LHFPL3: variants seen among roughly 807,000 people sequenced by gnomAD.
The protein encoded by LHFPL3 is LHFPL tetraspan subfamily member 3.
A neutral mutation model predicts 19.3 loss-of-function variants in LHFPL3; 5 were observed. The observed-to-expected ratio is 0.26, with a 90% CI of 0.14 to 0.54. The LOEUF (loss-of-function observed/expected upper bound fraction) is 0.54, where lower values mean the gene tolerates loss of function less well. Among genes scored for constraint, LHFPL3 ranks in the 20% least tolerant of loss-of-function variants. The pLI, the probability that LHFPL3 is intolerant of heterozygous loss-of-function variation, is 0.94. For synonymous variants in LHFPL3, 133 were observed against 126.2 expected (o/e 1.05, Z -0.36); for missense variants, 249 against 307.4 (o/e 0.81, Z 1.42).
chr7:104,758,561 T>C (rs1007380182), intron 2 of LHFPL3, among the ~76,000 whole-genome samples: 14 of 152,242 alleles, frequency 9.2e-5, no homozygotes, highest in Middle Eastern at 3.4e-3. Context: ...CTATATTTAT[T>C]TGAATGTAAT....
intron 1 of LHFPL3, among the ~76,000 whole-genome samples, chr7:104,379,713 T>C (rs1362491597): frequency 2.6e-5 from 4 of 152,012 alleles, no homozygotes; most frequent in Non-Finnish European, 5.9e-5. Context: ...TTCACGGAAA[T>C]GTGGAGAAAA....
At chr7:104,433,862 C>T (rs930323982) in intron 1 of LHFPL3, among the ~76,000 whole-genome samples, 2 of 152,136 alleles carry the variant, frequency 1.3e-5, no homozygotes, top group African/African-American at 2.4e-5. Flanking sequence ...GGGTCTTGAT[C>T]ATCATGGAGT....
chr7:104,404,731 A>T (rs979980844), intron 1 of LHFPL3, among the ~76,000 whole-genome samples: 3 of 152,180 alleles, frequency 2.0e-5, no homozygotes, highest in Non-Finnish European at 4.4e-5. Context: ...GACCTGAAAA[A>T]TTCAGGTGAA....
At chr7:104,736,094 T>C (rs1406746739) in intron 1 of LHFPL3, among the ~76,000 whole-genome samples, 1 of 152,156 alleles carries the variant, frequency 6.6e-6, no homozygotes, top group East Asian at 1.9e-4. Flanking sequence ...CCACCAACAG[T>C]GTATCCTTTC....
chr7:104,451,422 A>G (rs926843570), intron 1 of LHFPL3, among the ~76,000 whole-genome samples: 3 of 152,208 alleles, frequency 2.0e-5, no homozygotes, highest in African/African-American at 7.2e-5. Context: ...ATATTGGGGA[A>G]GGAGGAGTGC....
chr7:104,355,056 C>CA (rs1251190686), intron 1 of LHFPL3, among the ~76,000 whole-genome samples: 2 of 151,900 alleles, frequency 1.3e-5, no homozygotes, highest in African/African-American at 4.8e-5. Flanking sequence ...TTTGTTTAAC[C>CA]AAAAAATATT....
intron 2 of LHFPL3, chr7:104,803,501 T>C (rs1790296382): frequency 6.6e-6 from 1 of 152,212 alleles, no homozygotes; most frequent in African/African-American, 2.4e-5. Context: ...TGTGTGTTCC[T>C]CTTTGTAGCC....
intron 1 of LHFPL3, among the ~76,000 whole-genome samples, chr7:104,403,443 A>G (rs1234922213): frequency 1.3e-5 from 2 of 152,222 alleles, no homozygotes; most frequent in African/African-American, 2.4e-5. Context: ...GGCCCTTCTC[A>G]AGCCACTGTG....
rs115698339 is a variant in LHFPL3 at position 104,766,322 on chromosome 7, A to G, written c.682+29411A>G. Among the ~76,000 whole-genome samples the G allele has an allele frequency of 8.5e-4, 129 of 152,320 alleles. 1 individual carries two copies. Among genetic ancestry groups the G allele is most frequent in the African/African-American group, 3.0e-3 (124 of 41,564 alleles). On this transcript the variant is annotated intron_variant, in intron 2 of 2. Coordinates refer to ENST00000424859, the MANE Select transcript of LHFPL3 (RefSeq NM_199000.3). ...GGTAGAGGCCAATATAAGGAGCACT[A>G]TCTTTGACAAGGCTCTTACATCCTC... is the stretch of plus-strand genomic sequence containing the variant.
intron 1 of LHFPL3, among the ~76,000 whole-genome samples, chr7:104,521,034 G>A (rs1794048135): frequency 6.6e-6 from 1 of 151,938 alleles, no homozygotes; most frequent in Non-Finnish European, 1.5e-5. Context: ...TTTTAATTGT[G>A]ATGTTAGGGT....
chr7:104,471,885 A>G (rs1792913546), intron 1 of LHFPL3, among the ~76,000 whole-genome samples: 1 of 152,242 alleles, frequency 6.6e-6, no homozygotes, highest in Non-Finnish European at 1.5e-5. Flanking sequence ...TTAACTTAAT[A>G]TAAAAATTTC....
chr7:104,864,650 G>C lies in LHFPL3; in HGVS notation c.683-41537G>C, dbSNP rs548344962. On this transcript the variant is annotated intron_variant, in intron 2 of 2. Transcript: ENST00000424859. ...TCAAGGAGGCCTGCCTGCCTCTGTAGACTCCATCTCTGGGGGCAGGCCATT... is the reference window on the plus strand; with the variant it reads ...TCAAGGAGGCCTGCCTGCCTCTGTACACTCCATCTCTGGGGGCAGGCCATT... 8.6e-3 allele frequency among the ~76,000 whole-genome samples: 1,311 copies of C among 152,352 alleles called. 16 individuals are homozygous for C. The highest frequency in any genetic ancestry group is 0.011 in the Non-Finnish European group (779 of 68,038).
intron 1 of LHFPL3, among the ~76,000 whole-genome samples, chr7:104,471,419 T>G (rs758803839): frequency 1.6e-4 from 25 of 152,358 alleles, no homozygotes; most frequent in Non-Finnish European, 3.1e-4. Context: ...GTGTGCTAAC[T>G]ATAGTTCTCA....
At chr7:104,533,504 G>C (rs547806306) in intron 1 of LHFPL3, among the ~76,000 whole-genome samples, 1 of 152,294 alleles carries the variant, frequency 6.6e-6, no homozygotes, top group African/African-American at 2.4e-5. Context: ...ATGTTCCATA[G>C]CACCTCAAAC....
At chr7:104,476,375 G>C (rs2115637410) in intron 1 of LHFPL3, among the ~76,000 whole-genome samples, 1 of 152,148 alleles carries the variant, frequency 6.6e-6, no homozygotes, top group South Asian at 2.1e-4. Flanking sequence ...CCCACATGTT[G>C]AAGGAAATAG....
chr7:104,789,107 G>A (rs1368558521), intron 2 of LHFPL3, among the ~76,000 whole-genome samples: 1 of 152,198 alleles, frequency 6.6e-6, no homozygotes, highest in Non-Finnish European at 1.5e-5. Context: ...CTCATGCTAT[G>A]GAAAACACAG....
intron 2 of LHFPL3, among the ~76,000 whole-genome samples, chr7:104,847,182 C>T (rs1791329317): frequency 6.6e-6 from 1 of 152,176 alleles, no homozygotes; most frequent in Non-Finnish European, 1.5e-5. Flanking sequence ...GGTTATCCAG[C>T]TGGTATGTAC....
chr7:104,868,030 C>G (rs546259979), intron 2 of LHFPL3, among the ~76,000 whole-genome samples: 57 of 138,582 alleles, frequency 4.1e-4, no homozygotes, highest in African/African-American at 6.6e-4. Flanking sequence ...ATTCAACAAC[C>G]CTTCATGCTA....
chr7:104,683,432 C>T (rs937731459), intron 1 of LHFPL3, among the ~76,000 whole-genome samples: 5 of 152,160 alleles, frequency 3.3e-5, no homozygotes, highest in Non-Finnish European at 7.4e-5. Flanking sequence ...CATAATTTAA[C>T]CACCCCTAAC....
Sources: allele counts gnomAD v4.1 joint callset (sites outside exome capture counted in the v4.1 genomes callset), GRCh38; gene constraint gnomAD v4.1.1; transcripts MANE v1.5; gene names NCBI Gene and HGNC (gene_info 2026-07-23, HGNC 2026-07-21).